The following MGARP variants were observed in gnomAD, a reference collection of about 807,000 sequenced individuals.
The protein encoded by MGARP is mitochondria localized glutamic acid rich protein.
A neutral mutation model predicts 11.0 loss-of-function variants in MGARP; 12 were observed. The ratio of observed to expected loss-of-function variants is 1.09; its 90% CI spans 0.70 to 1.77. MGARP has a LOEUF of 1.77. Ranked by LOEUF, MGARP falls within the 40% of genes most tolerant of loss-of-function variation. The probability of loss-of-function intolerance (pLI) is 0.00; values close to 1 mark genes in which losing one functional copy is unlikely to be tolerated. For missense variants in MGARP, 283 were observed against 297.8 expected (o/e 0.95, Z 0.36); for synonymous variants, 110 against 115.4 (o/e 0.95, Z 0.30).
intron 2 of MGARP, among the ~76,000 whole-genome samples, chr4:139,273,577 C>A (rs1744821788): frequency 1.4e-5 from 2 of 146,418 alleles, no homozygotes; most frequent in African/African-American, 2.5e-5. Context: ...TGCAGTGGCA[C>A]AATCTCAGCT....
At chr4:139,273,926 A>G (rs1744827340) in intron 2 of MGARP, among the ~76,000 whole-genome samples, 1 of 152,216 alleles carries the variant, frequency 6.6e-6, no homozygotes, top group Admixed American at 6.5e-5. Context: ...TTTAGTCCCA[A>G]AATCTCACTA....
chr4:139,279,827 T>C (rs2110736334), intron 1 of MGARP, among the ~76,000 whole-genome samples: 1 of 152,354 alleles, frequency 6.6e-6, no homozygotes, highest in African/African-American at 2.4e-5. Flanking sequence ...AAGCCATTTG[T>C]CCAAGATCAG....
rs181783145 is a variant in MGARP, at chr4:139,279,060, T to C, written c.82+1017A>G. On this transcript the variant is annotated intron_variant, in intron 1 of 3. Transcript: ENST00000398955. Reference sequence around the variant, plus strand: ...AAATTATCTCGGAAGGCTCAGAAAGTGAGGCTAAGTGAAGAGAGCATTAAG... The same window carrying C: ...AAATTATCTCGGAAGGCTCAGAAAGCGAGGCTAAGTGAAGAGAGCATTAAG... Among the ~76,000 whole-genome samples, 3 of 152,128 alleles carry C rather than the reference T, an allele frequency of 2.0e-5. No individual in the cohort carries two copies. In the East Asian group the frequency reaches 5.8e-4, roughly 29 times the overall value.
chr4:139,269,049 A>G (rs2110729651), intron 2 of MGARP, among the ~76,000 whole-genome samples: 1 of 152,344 alleles, frequency 6.6e-6, no homozygotes, highest in South Asian at 2.1e-4. Flanking sequence ...GTGACAAATC[A>G]ATCTATACAT....
At chr4:139,280,027 C>A in intron 1 of MGARP, 50 bp downstream of exon 1, 1 of 1,595,458 alleles carries the variant, frequency 6.3e-7, no homozygotes, top group South Asian at 1.1e-5. Flanking sequence ...CGGGCGAAAT[C>A]TGCACCCGAG....
intron 2 of MGARP, among the ~76,000 whole-genome samples, chr4:139,272,400 C>CA (rs1222137124): frequency 8.0e-5 from 12 of 149,692 alleles, no homozygotes; most frequent in East Asian, 2.0e-4. Context: ...ACTAAAAATA[C>CA]AAAAAAAAAT....
At chr4:139,270,217 T>C (rs1279178739) in intron 2 of MGARP, among the ~76,000 whole-genome samples, 4 of 146,962 alleles carry the variant, frequency 2.7e-5, no homozygotes, top group Non-Finnish European at 6.0e-5. Flanking sequence ...GGAGAATCAC[T>C]TGAACCCTGT....
At chr4:139,272,138 G>GA (rs34669678) in intron 2 of MGARP, among the ~76,000 whole-genome samples, 44,838 of 151,466 alleles carry the variant, frequency 0.3, 7,485 homozygotes, top group African/African-American at 0.46. Context: ...AAAGATGACA[G>GA]AACAAAGGAA....
Position 139,266,513 on chromosome 4 carries a change from T to C in MGARP, c.*86A>G. On this transcript the variant is annotated 3_prime_UTR_variant, in exon 4 of 4. Transcript: ENST00000398955. ...CGTTTTCTAGAAAATAAGTCTTTTTTTTTTTAAACTAAGTGTACTAAAAAC... is the reference window on the plus strand; with the variant it reads ...CGTTTTCTAGAAAATAAGTCTTTTTCTTTTTAAACTAAGTGTACTAAAAAC... 7.9e-7 allele frequency: 1 copy of C among 1,265,818 alleles called. No individual in the cohort carries two copies. Among genetic ancestry groups the C allele is most frequent in the African/African-American group, 1.5e-5 (1 of 66,344 alleles). 78.4% of individuals were successfully genotyped at this position (1,265,818 alleles called of 1,614,324 possible). A position where few individuals can be genotyped will look rare whatever the true frequency, so the allele number is the denominator to read the frequency against.
chr4:139,270,130 G>T (rs1303761712), intron 2 of MGARP, among the ~76,000 whole-genome samples: 1 of 151,562 alleles, frequency 6.6e-6, no homozygotes, highest in Non-Finnish European at 1.5e-5. Context: ...GAGAAATCTG[G>T]TCTCTACTAA....
rs1165550527 is a variant in MGARP, at chr4:139,270,618, A to G, written c.187-1853T>C. 6.6e-5 allele frequency among the ~76,000 whole-genome samples: 10 copies of G among 151,702 alleles called. No individual in the cohort carries two copies. The South Asian group carries it at 1.2e-3, about 19-fold the overall frequency. The stretch of plus-strand genomic sequence containing the variant: ...AGCGAGACCGCGTCTGAAAAAAAAA[A>G]AAAAAAAAAGAAAAGAAAATCTATA... On this transcript the variant is annotated intron_variant, in intron 2 of 3. Coordinates refer to ENST00000398955, the MANE Select transcript of MGARP (RefSeq NM_032623.4).
Position 139,277,347 on chromosome 4 carries a change from T to A in MGARP, c.83-1955A>T, listed in dbSNP as rs183599023. ...TAAATGGCCGTTTCTTGGAAAAAAATTTTTTTCCTTCTAATGTGCCCCAAA... is the reference window on the plus strand; with the variant it reads ...TAAATGGCCGTTTCTTGGAAAAAAAATTTTTTCCTTCTAATGTGCCCCAAA... On this transcript the variant is annotated intron_variant, in intron 1 of 3. Transcript: ENST00000398955. Among the ~76,000 whole-genome samples the A allele has an allele frequency of 9.1e-3, 1,392 of 152,206 alleles. 19 individuals are homozygous for A. The highest frequency in any genetic ancestry group is 0.032 in the African/African-American group (1,316 of 41,524).
intron 2 of MGARP, among the ~76,000 whole-genome samples, chr4:139,273,302 C>T (rs1744814730): frequency 6.6e-6 from 1 of 152,056 alleles, no homozygotes; most frequent in Non-Finnish European, 1.5e-5. Context: ...TCACTGCAGC[C>T]TTAACTTCCC....
intron 2 of MGARP, among the ~76,000 whole-genome samples, chr4:139,270,987 C>T (rs570734888): frequency 6.6e-6 from 1 of 152,116 alleles, no homozygotes; most frequent in Non-Finnish European, 1.5e-5. Context: ...AGAAAAAAGA[C>T]TAACTTTAGG....
intron 2 of MGARP, among the ~76,000 whole-genome samples, chr4:139,270,038 A>G (rs1744754413): frequency 1.3e-5 from 2 of 152,178 alleles, no homozygotes; most frequent in Non-Finnish European, 2.9e-5. Context: ...GCAATGGTCC[A>G]CACCTGTAAT....
At position 139,278,171 on chromosome 4, in the gene MGARP, G is replaced by C. The variant is rs1744901464; in HGVS notation, c.82+1906C>G. Among the ~76,000 whole-genome samples, 3 of 152,128 alleles carry C rather than the reference G, an allele frequency of 2.0e-5. No homozygotes were observed. In the South Asian group the frequency reaches 6.2e-4, roughly 32 times the overall value. On this transcript the variant is annotated intron_variant, in intron 1 of 3. Coordinates refer to ENST00000398955, the MANE Select transcript of MGARP (RefSeq NM_032623.4). ...GGATCCGGGAGGCGGAGGTTGTGGT[G>C]AGCCGAGATCACGCCATTGCACTCC... is the stretch of plus-strand genomic sequence containing the variant.
chr4:139,271,897 C>T (rs1744787686), intron 2 of MGARP, among the ~76,000 whole-genome samples: 1 of 152,134 alleles, frequency 6.6e-6, no homozygotes, highest in South Asian at 2.1e-4. Context: ...AATGTATAAC[C>T]TTTTAGTTTA....
At chr4:139,275,254 G>A in intron 2 of MGARP, 35 bp downstream of exon 2, 1 of 1,549,998 alleles carries the variant, frequency 6.5e-7, no homozygotes, top group Non-Finnish European at 8.9e-7. Flanking sequence ...TAAAATACAT[G>A]AATTCTTGAG....
rs765707926 is a variant in MGARP at position 139,266,607 on chromosome 4, G to C, written c.715C>G (p.Gln239Glu). 4.3e-6 allele frequency: 7 copies of C among 1,612,080 alleles called. No homozygotes were observed. In the African/African-American group the frequency reaches 9.4e-5, roughly 22 times the overall value. The change falls in exon 4 of 4, where the codon CAA becomes GAA. Residue 239 changes from glutamine (Q) to glutamate (E), a missense_variant. Coordinates refer to ENST00000398955, the MANE Select transcript of MGARP (RefSeq NM_032623.4). ...TGTCTACCGGCTGGAGATTAGCCTT[G>C]AGCCGAAGCAGCCTCAGAGCCAACA... ...ASVGSEAASAQG is the reference protein window; with the variant it reads ...ASVGSEAASAEG
Sources: gnomAD v4.1 joint callset for allele counts (sites outside exome capture counted in the v4.1 genomes callset) on GRCh38, gnomAD v4.1.1 for gene constraint, MANE v1.5 for transcripts, NCBI Gene and HGNC (gene_info 2026-07-23, HGNC 2026-07-21) for gene names.